The following NECTIN3 variants were observed in gnomAD, a reference collection of about 807,000 sequenced individuals.
NECTIN3 encodes the protein nectin-3.
In NECTIN3, 8 loss-of-function variants were observed where a neutral mutation model predicts 49.4. The observed-to-expected ratio is 0.16, with a 90% confidence interval of 0.10 to 0.29. The LOEUF is 0.29. Ranked by LOEUF, NECTIN3 falls within the 10% of genes least tolerant of loss-of-function variation. The pLI is 1.00. For synonymous variants in NECTIN3, 277 were observed against 241.1 expected (o/e 1.15, Z -1.38); for missense variants, 581 against 654.6 (o/e 0.89, Z 1.23).
In NECTIN3 at chr3:111,134,167, T is replaced by G. The variant is rs965223223; in HGVS notation, c.1602T>G (p.Val534=). ...ATGATGAAAACGAAGATGACTTAGT[T>G]TCACATGTAGATGGTTCCGTAATTT... The part of the protein sequence containing the change: ...EHYDENEDDL[V]SHVDGSVISR... Residue 534 remains valine (V), a synonymous_variant, in exon 6 of 6, where the codon GTT becomes GTG. Coordinates refer to ENST00000485303, the MANE Select transcript of NECTIN3 (RefSeq NM_015480.3). 3 of 1,611,524 alleles carry G rather than the reference T, an allele frequency of 1.9e-6. No individual in the cohort carries two copies. The highest frequency in any genetic ancestry group is 1.3e-5 in the African/African-American group (1 of 74,838).
At chr3:111,159,856 A>G (rs2035175013) in intron 7 of NECTIN3, among the ~76,000 whole-genome samples, 1 of 152,234 alleles carries the variant, frequency 6.6e-6, no homozygotes, top group South Asian at 2.1e-4. Flanking sequence ...AAGCATTTTA[A>G]GCTACATTTA....
At chr3:111,169,151 G>A (rs950144362) in intron 7 of NECTIN3, among the ~76,000 whole-genome samples, 1 of 139,566 alleles carries the variant, frequency 7.2e-6, no homozygotes, top group East Asian at 2.2e-4. Context: ...GTGCAGTGGC[G>A]CAATCTTGGC....
At chr3:111,075,341 C>T (rs964439843) in intron 1 of NECTIN3, 31 of 152,210 alleles carry the variant, frequency 2.0e-4, no homozygotes, top group African/African-American at 7.2e-4. Flanking sequence ...CTGTCCTTCC[C>T]TCCCTTCCTC....
chr3:111,168,687 G>C (rs1399449464), intron 7 of NECTIN3, among the ~76,000 whole-genome samples: 2 of 152,174 alleles, frequency 1.3e-5, no homozygotes, highest in Non-Finnish European at 2.9e-5. Context: ...CAATTCACAA[G>C]CTGCTATGAG....
chr3:111,098,679 A>G (rs1262078310), intron 1 of NECTIN3, among the ~76,000 whole-genome samples: 2 of 152,168 alleles, frequency 1.3e-5, no homozygotes, highest in Admixed American at 6.5e-5. Flanking sequence ...TAACAGGTTC[A>G]TTTCACCTAA....
At chr3:111,141,663 G>A (rs1160031312), downstream of NECTIN3, among the ~76,000 whole-genome samples, 3 of 151,818 alleles carry the variant, frequency 2.0e-5, no homozygotes, top group African/African-American at 7.2e-5. Flanking sequence ...ATTTTTGGAG[G>A]TAAGTTTCCA....
At chr3:111,150,052 G>A (rs752271379) in intron 7 of NECTIN3, among the ~76,000 whole-genome samples, 3 of 151,896 alleles carry the variant, frequency 2.0e-5, no homozygotes, top group South Asian at 4.1e-4. Context: ...TTGGATTTCC[G>A]ATATGGAAAA....
At position 111,103,591 on chromosome 3, in the gene NECTIN3, TAAAG is replaced by T. The variant is rs564614942; in HGVS notation, c.161-8434_161-8431del. The stretch of plus-strand genomic sequence containing the variant: ...TTTTATTTCTTAATAAATAAAGAAA[TAAAG>T]AAAGGAAGAAATAAAACTTCCTTTC... On this transcript the variant is annotated intron_variant, in intron 1 of 5. Coordinates refer to ENST00000485303, the MANE Select transcript of NECTIN3 (RefSeq NM_015480.3). Among the ~76,000 whole-genome samples the T allele has an allele frequency of 4.0e-3, 605 of 151,980 alleles. 2 individuals are homozygous for T. Among genetic ancestry groups the T allele is most frequent in the African/African-American group, 9.5e-3 (396 of 41,506 alleles).
intron 7 of NECTIN3, among the ~76,000 whole-genome samples, chr3:111,179,112 A>T (rs1232927996): frequency 1.3e-5 from 2 of 152,230 alleles, no homozygotes; most frequent in Non-Finnish European, 2.9e-5. Context: ...ACCTAAGCTA[A>T]GCCTAATGCT....
At chr3:111,122,285 T>C (rs766724611) in intron 4 of NECTIN3, 47 bp downstream of exon 4, 2 of 1,370,918 alleles carry the variant, frequency 1.5e-6, no homozygotes, top group African/African-American at 2.9e-5. Context: ...AGTGAAACCT[T>C]CTTAAATCCC....
At chr3:111,085,823 G>A (rs923575632) in intron 1 of NECTIN3, among the ~76,000 whole-genome samples, 7 of 151,882 alleles carry the variant, frequency 4.6e-5, no homozygotes, top group African/African-American at 1.7e-4. Flanking sequence ...TGGTACTGCT[G>A]TGAACATCAT....
intron 1 of NECTIN3, among the ~76,000 whole-genome samples, chr3:111,084,650 GC>G (rs1480959804): frequency 6.6e-6 from 1 of 152,122 alleles, no homozygotes; most frequent in Non-Finnish European, 1.5e-5. Context: ...TATTATTGAG[GC>G]CTAAAGTAGG....
intron 3 of NECTIN3, among the ~76,000 whole-genome samples, chr3:111,119,610 A>G (rs13093206): frequency 0.73 from 110,645 of 152,180 alleles, 45,837 homozygotes; most frequent in Non-Finnish European, 0.93. Context: ...GATTACAGGC[A>G]TGAGCCACTG....
At chr3:111,163,145 T>TG (rs1312572436) in intron 7 of NECTIN3, among the ~76,000 whole-genome samples, 1 of 152,170 alleles carries the variant, frequency 6.6e-6, no homozygotes, top group Non-Finnish European at 1.5e-5. Flanking sequence ...CACAAACAGA[T>TG]GGGGGCTGGA....
chr3:111,186,396 A>C (rs962078284), intron 7 of NECTIN3, among the ~76,000 whole-genome samples: 4 of 152,170 alleles, frequency 2.6e-5, no homozygotes, highest in Non-Finnish European at 4.4e-5. Context: ...GAGCCCAAAA[A>C]TAAAGCTGTA....
At chr3:111,158,475 T>C (rs531359597) in intron 7 of NECTIN3, among the ~76,000 whole-genome samples, 16 of 152,202 alleles carry the variant, frequency 1.1e-4, no homozygotes, top group Non-Finnish European at 1.9e-4. Flanking sequence ...TTCAAATGCC[T>C]TATTATTGAT....
At position 111,087,692 on chromosome 3, in the gene NECTIN3, A is replaced by AT. The variant is rs1175269613; in HGVS notation, c.160+15528dup. Among the ~76,000 whole-genome samples, 808 of 146,236 alleles carry AT rather than the reference A, an allele frequency of 5.5e-3. 3 individuals are homozygous for AT. The highest frequency in any genetic ancestry group is 0.02 in the Admixed American group (291 of 14,592). On this transcript the variant is annotated intron_variant, in intron 1 of 5. Transcript: ENST00000485303. ...AAGAAAACAGCCTTTTAAAAATTTA[A>AT]TTTTTTTTTTTTTAATTTTATTTTG...
chr3:111,081,604 A>G (rs1292882716), intron 1 of NECTIN3, among the ~76,000 whole-genome samples: 1 of 152,222 alleles, frequency 6.6e-6, no homozygotes, highest in Non-Finnish European at 1.5e-5. Flanking sequence ...GACTTGTCTT[A>G]TGTGAGAAAT....
chr3:111,147,529 A>T lies in NECTIN3; in HGVS notation c.1221+45A>T. On this transcript the variant is annotated intron_variant, in intron 7 of 8. Transcript: ENST00000493615. ...CTTAAGATAATGTAAGATACAATTT[A>T]AAAAATACTAAGCCATTTGTATTAT... 3 of 1,379,244 alleles carry T rather than the reference A, an allele frequency of 2.2e-6. No individual in the cohort carries two copies. In the South Asian group the frequency reaches 3.9e-5, roughly 18 times the overall value. The allele number at this position is 1,379,244 out of a possible 1,614,324, so 85.4% of individuals were successfully genotyped here.
Sources: gnomAD v4.1 joint callset for allele counts (sites outside exome capture counted in the v4.1 genomes callset) on GRCh38, gnomAD v4.1.1 for gene constraint, MANE v1.5 for transcripts, NCBI Gene and HGNC (gene_info 2026-07-23, HGNC 2026-07-21) for gene names.